CCDC3: variants seen among roughly 807,000 people sequenced by gnomAD.
CCDC3 encodes coiled-coil domain-containing protein 3.
In CCDC3, 24 loss-of-function variants were observed where a neutral mutation model predicts 21.4. The observed-to-expected ratio is 1.12, with a 90% CI of 0.81 to 1.58. The LOEUF is 1.58. CCDC3 is among the 40% of genes most tolerant of loss of function. The pLI, the probability that CCDC3 is intolerant of heterozygous loss-of-function variation, is 0.00. For missense variants in CCDC3, 425 were observed against 360.9 expected (o/e 1.18, Z -1.44); for synonymous variants, 186 against 166.0 (o/e 1.12, Z -0.93).
At chr10:12,964,754 AAG>A (rs576535365) in intron 2 of CCDC3, among the ~76,000 whole-genome samples, 4 of 152,356 alleles carry the variant, frequency 2.6e-5, no homozygotes, top group African/African-American at 9.6e-5. Context: ...CAAAGAGACA[AAG>A]AGGGCAAGTG....
intron 3 of CCDC3, among the ~76,000 whole-genome samples, chr10:13,077,407 T>C (rs1836978569): frequency 1.3e-5 from 2 of 152,186 alleles, no homozygotes; most frequent in African/African-American, 4.8e-5. Flanking sequence ...ATAGGAAGAA[T>C]CAATATCGTG....
At chr10:12,928,032 G>C (rs1240120857) in intron 2 of CCDC3, among the ~76,000 whole-genome samples, 2 of 152,210 alleles carry the variant, frequency 1.3e-5, no homozygotes, top group Non-Finnish European at 2.9e-5. Flanking sequence ...TGGGGCATCT[G>C]GGAGTTGTCA....
At chr10:12,901,211 A>G (rs1193827320) in intron 2 of CCDC3, among the ~76,000 whole-genome samples, 1 of 152,180 alleles carries the variant, frequency 6.6e-6, no homozygotes, top group African/African-American at 2.4e-5. Flanking sequence ...TTTCTACCCA[A>G]GGTATTAATC....
chr10:13,082,095 A>T (rs1362585240), intron 3 of CCDC3, among the ~76,000 whole-genome samples: 1 of 152,236 alleles, frequency 6.6e-6, no homozygotes, highest in African/African-American at 2.4e-5. Context: ...GATCATAGAA[A>T]TAAAGACACA....
chr10:12,929,261 CAAAAAA>C (rs10609537), intron 2 of CCDC3, among the ~76,000 whole-genome samples: 3 of 104,570 alleles, frequency 2.9e-5, no homozygotes, highest in African/African-American at 7.6e-5. Flanking sequence ...GATTCCATCT[CAAAAAA>C]AAAAAAAAAA....
chr10:12,929,401 G>A (rs1226595159), intron 2 of CCDC3, among the ~76,000 whole-genome samples: 2 of 152,156 alleles, frequency 1.3e-5, no homozygotes, highest in African/African-American at 2.4e-5. Flanking sequence ...CTCAGGGTCT[G>A]CAGGGACTCT....
chr10:12,946,858 T>A (rs1264919151), intron 2 of CCDC3, among the ~76,000 whole-genome samples: 1 of 152,202 alleles, frequency 6.6e-6, no homozygotes, highest in Admixed American at 6.5e-5. Flanking sequence ...CATCTCATCC[T>A]GTACTACCTC....
At chr10:12,932,536 C>T (rs1351728027) in intron 2 of CCDC3, among the ~76,000 whole-genome samples, 3 of 152,172 alleles carry the variant, frequency 2.0e-5, no homozygotes, top group African/African-American at 7.2e-5. Flanking sequence ...TGTAATCTTG[C>T]TACAATTGCT....
intron 2 of CCDC3, among the ~76,000 whole-genome samples, chr10:12,979,672 C>G (rs1397676042): frequency 6.6e-6 from 1 of 152,074 alleles, no homozygotes; most frequent in Non-Finnish European, 1.5e-5. Flanking sequence ...ACACCTGGCC[C>G]CCAAAACCCT....
chr10:13,059,587 A>C (rs899798239), intron 4 of CCDC3, among the ~76,000 whole-genome samples: 1 of 152,202 alleles, frequency 6.6e-6, no homozygotes, highest in Non-Finnish European at 1.5e-5. Context: ...GTTAACACCC[A>C]AATTCACAGT....
rs749333105 is a variant in CCDC3, at chr10:12,898,644, C to T, written c.585G>A (p.Glu195=). The change falls in exon 3 of 3, where the codon GAG becomes GAA. Residue 195 remains glutamate (E), a synonymous_variant. Transcript: ENST00000378825. The part of the protein sequence containing the change: ...MCSSVQKALF[E]EEDHVKKLQQ... Reference sequence around the variant, plus strand: ...GCAGTTTCTTGACGTGGTCCTCCTCCTCAAACAAGGCCTTCTGCACCGAGG... The same window carrying T: ...GCAGTTTCTTGACGTGGTCCTCCTCTTCAAACAAGGCCTTCTGCACCGAGG... The T allele has an allele frequency of 1.9e-6, 3 of 1,614,112 alleles. No homozygotes were observed. The highest frequency in any genetic ancestry group is 2.5e-6 in the Non-Finnish European group (3 of 1,180,040).
intron 2 of CCDC3, among the ~76,000 whole-genome samples, chr10:12,966,070 C>A (rs1054212950): frequency 5.9e-5 from 9 of 152,118 alleles, no homozygotes; most frequent in Non-Finnish European, 1.2e-4. Flanking sequence ...CAAGGCTGGG[C>A]CTCACTCTAT....
At position 13,028,222 on chromosome 10, in the gene CCDC3, G is replaced by A. The variant is rs554368805; in HGVS notation, c.-2+21452C>T. 6.4e-4 allele frequency among the ~76,000 whole-genome samples: 97 copies of A among 152,136 alleles called. 1 individual carries two copies. Among genetic ancestry groups the A allele is most frequent in the Middle Eastern group, 3.4e-3 (1 of 294 alleles). The stretch of plus-strand genomic sequence containing the variant: ...ATACCGTTCTCATGATAGTGAGTAC[G>A]TCTCATGAGATCTGATGGTTTTATA... On this transcript the variant is annotated intron_variant, in intron 5 of 6. Transcript: ENST00000378839.
In CCDC3 at chr10:13,001,214, G is replaced by A. The variant is rs768575267; in HGVS notation, c.357C>T (p.Ser119=). 1.9e-6 allele frequency: 3 copies of A among 1,560,634 alleles called. No homozygotes were observed. In the African/African-American group the frequency reaches 4.1e-5, roughly 21 times the overall value. The change falls in exon 1 of 3, where the codon TCC becomes TCT. Residue 119 remains serine, a synonymous_variant. Coordinates refer to ENST00000378825, the MANE Select transcript of CCDC3 (RefSeq NM_031455.4). Reference sequence around the variant, plus strand: ...GGGCTCACCTGAGGAAGAAGAAATAGGAGTAGTCCTGGACCACGGTGTGGG... The same window carrying A: ...GGGCTCACCTGAGGAAGAAGAAATAAGAGTAGTCCTGGACCACGGTGTGGG... ...CHSHTVVQDY[S]YFFFLRMDEN... is the part of the protein sequence containing the mutation.
intron 4 of CCDC3, among the ~76,000 whole-genome samples, chr10:13,072,809 A>C (rs1836900046): frequency 6.6e-6 from 1 of 151,862 alleles, no homozygotes; most frequent in South Asian, 2.1e-4. Flanking sequence ...ATTCTGCAAC[A>C]ATGATGCCTT....
intron 5 of CCDC3, among the ~76,000 whole-genome samples, chr10:13,020,419 C>T (rs1247043908): frequency 6.6e-6 from 1 of 152,186 alleles, no homozygotes; most frequent in African/African-American, 2.4e-5. Flanking sequence ...CTATTATTCT[C>T]AGCAAACAAA....
intron 2 of CCDC3, among the ~76,000 whole-genome samples, chr10:12,918,985 G>C (rs186554412): frequency 2.0e-4 from 30 of 152,244 alleles, no homozygotes; most frequent in African/African-American, 6.5e-4. Context: ...GAACCCGGGA[G>C]GCGGAGCTTG....
intron 2 of CCDC3, among the ~76,000 whole-genome samples, chr10:12,944,539 T>C (rs1163339743): frequency 6.6e-6 from 1 of 152,230 alleles, no homozygotes; most frequent in African/African-American, 2.4e-5. Flanking sequence ...GCCTGCAATG[T>C]CTGTCTCCTT....
At chr10:13,091,639 C>T (rs571158862) in intron 3 of CCDC3, among the ~76,000 whole-genome samples, 17 of 152,210 alleles carry the variant, frequency 1.1e-4, no homozygotes, top group Non-Finnish European at 1.3e-4. Context: ...TCGCCTTCAA[C>T]AACTCCCTTC....
Sources: allele counts gnomAD v4.1 joint callset (sites outside exome capture counted in the v4.1 genomes callset), GRCh38; gene constraint gnomAD v4.1.1; transcripts MANE v1.5; gene names NCBI Gene and HGNC (gene_info 2026-07-23, HGNC 2026-07-21).